Variants in SEPTIN2 observed in about 807,000 individuals in gnomAD.
SEPTIN2 encodes septin-2.
SEPTIN2 carries 34 observed loss-of-function variants against 46.5 expected under a neutral mutation model. The observed-to-expected ratio is 0.73, with a 90% CI of 0.56 to 0.97. The LOEUF (loss-of-function observed/expected upper bound fraction) is 0.97, where lower values mean the gene tolerates loss of function less well. SEPTIN2 is among the 50% of genes least tolerant of loss of function. SEPTIN2 has a pLI of 0.00. For missense variants in SEPTIN2, 347 were observed against 448.4 expected (o/e 0.77, Z 2.04); for synonymous variants, 175 against 153.4 (o/e 1.14, Z -1.04).
At chr2:241,328,619 G>A (rs1374655677) in intron 3 of SEPTIN2, among the ~76,000 whole-genome samples, 1 of 151,836 alleles carries the variant, frequency 6.6e-6, no homozygotes, top group Non-Finnish European at 1.5e-5. Flanking sequence ...GCACATGCCT[G>A]TAATCCCAGC....
At chr2:241,317,351 A>G in intron 1 of SEPTIN2, 1 of 172,072 alleles carries the variant, frequency 5.8e-6, no homozygotes, top group African/African-American at 2.4e-5. Context: ...TGCCACAGCC[A>G]GGAATAAAGA....
In SEPTIN2 at chr2:241,335,202, T is replaced by C. The variant is rs2079738430; in HGVS notation, c.207T>C (p.Pro69=). 6.2e-7 allele frequency: 1 copy of C among 1,613,328 alleles called. No homozygotes were observed. The highest frequency in any genetic ancestry group is 8.5e-7 in the Non-Finnish European group (1 of 1,179,594). The stretch of plus-strand genomic sequence containing the variant: ...ATCTGTACCCAGAAAGAGTCATACC[T>C]GGAGCAGCAGGTAAAAACATTCTTA... ...LTDLYPERVI[P]GAAEKIERTV... The change falls in exon 4 of 13, where the codon CCT becomes CCC. Residue 69 remains proline, a synonymous_variant. Coordinates refer to ENST00000391971, the MANE Select transcript of SEPTIN2 (RefSeq NM_004404.5).
chr2:241,330,855 A>G (rs188628892), intron 3 of SEPTIN2, among the ~76,000 whole-genome samples: 3 of 152,334 alleles, frequency 2.0e-5, no homozygotes, highest in Admixed American at 2.0e-4. Context: ...ACGAATTTGT[A>G]AAAATCCAGG....
chr2:241,318,437 C>G (rs1225964397), intron 1 of SEPTIN2: 1 of 152,124 alleles, frequency 6.6e-6, no homozygotes, highest in Non-Finnish European at 1.5e-5. Context: ...AAGAAAAAAG[C>G]CACACCGTTA....
intron 10 of SEPTIN2, among the ~76,000 whole-genome samples, chr2:241,347,828 A>G (rs570271565): frequency 5.9e-5 from 9 of 152,192 alleles, no homozygotes; most frequent in Admixed American, 2.6e-4. Flanking sequence ...AGCCTGGCCA[A>G]CGTGGCAAAA....
chr2:241,331,312 A>C (rs1349466949), intron 3 of SEPTIN2, among the ~76,000 whole-genome samples: 1 of 152,270 alleles, frequency 6.6e-6, no homozygotes, highest in Non-Finnish European at 1.5e-5. Context: ...GAAAACTACA[A>C]AACAGTGCTG....
chr2:241,323,019 C>T (rs1351873590), intron 1 of SEPTIN2, among the ~76,000 whole-genome samples: 2 of 152,002 alleles, frequency 1.3e-5, no homozygotes, highest in Non-Finnish European at 2.9e-5. Context: ...CTTTTATCAA[C>T]TTAAAAATTT....
At chr2:241,338,933 T>A (rs1249838280) in intron 7 of SEPTIN2, among the ~76,000 whole-genome samples, 3 of 98,662 alleles carry the variant, frequency 3.0e-5, no homozygotes, top group African/African-American at 4.1e-5. Flanking sequence ...GTACATATAT[T>A]TATTATATAT....
Position 241,353,899 on chromosome 2 carries a change from A to G in SEPTIN2, c.*1962A>G, listed in dbSNP as rs2060950195. 1 of 152,974 alleles carries G rather than the reference A, an allele frequency of 6.5e-6. No individual in the cohort carries two copies. Among genetic ancestry groups the G allele is most frequent in the Non-Finnish European group, 1.5e-5 (1 of 68,040 alleles). 9.5% of individuals were successfully genotyped at this position (152,974 alleles called of 1,614,324 possible). A position where few individuals can be genotyped will look rare whatever the true frequency, so the allele number is the denominator to read the frequency against. ...AAATAGATACTTTTGATAATAGATA[A>G]CTGCTCTTTTACTAAGACATAGTCT... On this transcript the variant is annotated 3_prime_UTR_variant, in exon 13 of 13. Transcript: ENST00000391971.
chr2:241,351,381 C>T (rs2060777667), intron 12 of SEPTIN2: 1 of 152,208 alleles, frequency 6.6e-6, no homozygotes, highest in Non-Finnish European at 1.5e-5. Flanking sequence ...GGAAAACATC[C>T]ATGTCACCCC....
chr2:241,316,496 C>G, intron 1 of SEPTIN2: 1 of 1,523,940 alleles, frequency 6.6e-7, no homozygotes, highest in Non-Finnish European at 8.8e-7. Flanking sequence ...GGGAGAGCGA[C>G]TAGGCCCTGT....
chr2:241,335,383 G>C (rs1369303512), intron 4 of SEPTIN2, 171 bp downstream of exon 4: 2 of 1,550,796 alleles, frequency 1.3e-6, no homozygotes, highest in South Asian at 2.4e-5. Context: ...CCTTGGATTT[G>C]GGTTGTAGAC....
chr2:241,344,045 G>A lies in SEPTIN2; in HGVS notation c.842+148G>A, dbSNP rs1336909775. The A allele has an allele frequency of 3.0e-6, 3 of 1,005,198 alleles. No homozygotes were observed. In the Admixed American group the frequency reaches 7.1e-5, roughly 24 times the overall value. 62.3% of individuals were successfully genotyped at this position (1,005,198 alleles called of 1,614,324 possible). ...TCTCACATCGCAGAAGTGGTGTGGG[G>A]CTGTTGCAGATTGGTGCTGAGAACC... On this transcript the variant is annotated intron_variant, in intron 9 of 12. Transcript: ENST00000391971.
chr2:241,326,785 C>G (rs1162961440), intron 3 of SEPTIN2, among the ~76,000 whole-genome samples: 2 of 152,176 alleles, frequency 1.3e-5, no homozygotes, highest in Non-Finnish European at 2.9e-5. Flanking sequence ...GTGTAAGTGA[C>G]CCGTTTCAGA....
At chr2:241,316,750 T>C in intron 1 of SEPTIN2, 1 of 431,174 alleles carries the variant, frequency 2.3e-6, no homozygotes, top group East Asian at 3.6e-5. Context: ...CCTTGTCCTC[T>C]CTCCACGGAA....
chr2:241,336,179 T>G lies in SEPTIN2; in HGVS notation c.341+81T>G, dbSNP rs749093456. The G allele has an allele frequency of 2.3e-5, 32 of 1,398,056 alleles. No homozygotes were observed. In the Middle Eastern group the frequency reaches 8.1e-4, roughly 36 times the overall value. 86.6% of individuals were successfully genotyped at this position (1,398,056 alleles called of 1,614,324 possible). The stretch of plus-strand genomic sequence containing the variant: ...TTTATAGATAGTGTTAATGAGTGAT[T>G]ATTAAGTTTGGGATTGCTGTATATA... On this transcript the variant is annotated intron_variant, in intron 5 of 12. Transcript: ENST00000391971.
At chr2:241,330,118 T>C (rs916779201) in intron 3 of SEPTIN2, among the ~76,000 whole-genome samples, 1 of 152,188 alleles carries the variant, frequency 6.6e-6, no homozygotes, top group Non-Finnish European at 1.5e-5. Context: ...GAGCTAGACA[T>C]GGACATCTTA....
At chr2:241,333,847 C>T (rs1032864276) in intron 3 of SEPTIN2, among the ~76,000 whole-genome samples, 3 of 152,054 alleles carry the variant, frequency 2.0e-5, no homozygotes, top group African/African-American at 7.2e-5. Flanking sequence ...CTTGATTTTC[C>T]CAGAATTGTT....
At chr2:241,348,882 T>C (rs1245528658) in intron 11 of SEPTIN2, among the ~76,000 whole-genome samples, 2 of 152,218 alleles carry the variant, frequency 1.3e-5, no homozygotes, top group African/African-American at 2.4e-5. Context: ...CATAATGGGC[T>C]AGCCTTTTGG....
Sources: allele counts gnomAD v4.1 joint callset (sites outside exome capture counted in the v4.1 genomes callset), GRCh38; gene constraint gnomAD v4.1.1; transcripts MANE v1.5; gene names NCBI Gene and HGNC (gene_info 2026-07-23, HGNC 2026-07-21).